The following ADCY8 variants were observed in gnomAD, a reference collection of about 807,000 sequenced individuals.
ADCY8 encodes the protein adenylate cyclase 8.
In ADCY8, 51 loss-of-function variants were observed where a neutral mutation model predicts 119.7. The observed-to-expected ratio is 0.43, with a 90% CI of 0.34 to 0.54. ADCY8 has a LOEUF of 0.54. ADCY8 is among the 20% of genes least tolerant of loss of function. ADCY8 has a pLI of 0.03. For synonymous variants in ADCY8, 665 were observed against 651.0 expected, an observed-to-expected ratio of 1.02 and a Z score of -0.33; for missense variants, 1,383 against 1,598.8, an observed-to-expected ratio of 0.87 and a Z score of 2.30.
chr8:130,925,371 A>C (rs73346476), intron 5 of ADCY8, among the ~76,000 whole-genome samples: 1 of 152,228 alleles, frequency 6.6e-6, no homozygotes, highest in Non-Finnish European at 1.5e-5. Flanking sequence ...ATATTCTATT[A>C]AAAATATTTC....
At chr8:130,848,881 T>C (rs1006712034) in intron 10 of ADCY8, among the ~76,000 whole-genome samples, 2 of 152,168 alleles carry the variant, frequency 1.3e-5, no homozygotes, top group Non-Finnish European at 2.9e-5. Flanking sequence ...GTGATAAATA[T>C]CATGGCAGTT....
At chr8:130,799,474 T>G (rs1815695586) in intron 15 of ADCY8, among the ~76,000 whole-genome samples, 3 of 152,126 alleles carry the variant, frequency 2.0e-5, no homozygotes, top group Admixed American at 2.0e-4. Flanking sequence ...AGGATGCTGT[T>G]TAGAGTGATG....
At chr8:130,948,974 T>C (rs1472125290) in intron 3 of ADCY8, among the ~76,000 whole-genome samples, 2 of 152,144 alleles carry the variant, frequency 1.3e-5, no homozygotes, top group Non-Finnish European at 2.9e-5. Context: ...GCTCTGAGAA[T>C]AGCCCGGGAG....
chr8:130,834,906 T>C (rs1563684464), intron 12 of ADCY8, among the ~76,000 whole-genome samples: 1 of 149,278 alleles, frequency 6.7e-6, no homozygotes, highest in East Asian at 2.0e-4. Flanking sequence ...ACATTAGAAG[T>C]TGGATTTGAG....
At chr8:130,902,091 T>G (rs2130523139) in intron 7 of ADCY8, among the ~76,000 whole-genome samples, 1 of 152,292 alleles carries the variant, frequency 6.6e-6, no homozygotes, top group Admixed American at 6.5e-5. Context: ...ATTAAGGAAT[T>G]ATCTTAATTC....
At chr8:130,982,062 T>C (rs1822256416) in intron 2 of ADCY8, among the ~76,000 whole-genome samples, 3 of 152,240 alleles carry the variant, frequency 2.0e-5, no homozygotes, top group African/African-American at 7.2e-5. Flanking sequence ...CCTTCACTTC[T>C]TCCGTCATGC....
chr8:130,900,206 A>C (rs1414794898), intron 7 of ADCY8, among the ~76,000 whole-genome samples: 1 of 152,226 alleles, frequency 6.6e-6, no homozygotes. Flanking sequence ...GAATGGGGTC[A>C]AACCAACAAT....
chr8:130,806,172 G>T (rs553891967), intron 14 of ADCY8, among the ~76,000 whole-genome samples: 1 of 152,300 alleles, frequency 6.6e-6, no homozygotes, highest in South Asian at 2.1e-4. Context: ...CTGACCACAG[G>T]TCCCTCAGCA....
intron 15 of ADCY8, among the ~76,000 whole-genome samples, chr8:130,792,365 T>C (rs1312034360): frequency 6.6e-6 from 1 of 152,246 alleles, no homozygotes; most frequent in Non-Finnish European, 1.5e-5. Context: ...TGTGGTATCA[T>C]CATGTCTTAC....
chr8:131,022,516 C>A (rs944564259), intron 1 of ADCY8, among the ~76,000 whole-genome samples: 1 of 152,140 alleles, frequency 6.6e-6, no homozygotes, highest in South Asian at 2.1e-4. Context: ...TTTATCCAGT[C>A]TATCATTGAT....
At chr8:130,830,508 A>C (rs1469982281) in intron 12 of ADCY8, among the ~76,000 whole-genome samples, 1 of 152,214 alleles carries the variant, frequency 6.6e-6, no homozygotes, top group South Asian at 2.1e-4. Flanking sequence ...CTTTCCTCTC[A>C]GGAGTCCCCT....
chr8:130,937,278 G>C, intron 4 of ADCY8, 78 bp from the exon 5 acceptor site: 2 of 1,491,800 alleles, frequency 1.3e-6, no homozygotes, highest in Non-Finnish European at 1.8e-6. Context: ...AGAAAGAGGC[G>C]AGCAGGGTTA....
At chr8:130,920,349 A>G (rs888797209) in intron 5 of ADCY8, among the ~76,000 whole-genome samples, 17 of 152,076 alleles carry the variant, frequency 1.1e-4, no homozygotes, top group Admixed American at 1.0e-3. Flanking sequence ...CCTTCCATTT[A>G]GAACCAAAAA....
intron 2 of ADCY8, among the ~76,000 whole-genome samples, chr8:130,966,812 G>T (rs577905421): frequency 6.6e-6 from 1 of 152,188 alleles, no homozygotes; most frequent in East Asian, 1.9e-4. Context: ...GGTTGGTGTG[G>T]GATTAAATCA....
intron 4 of ADCY8, among the ~76,000 whole-genome samples, chr8:130,941,998 C>A (rs909604832): frequency 3.3e-5 from 5 of 152,200 alleles, no homozygotes; most frequent in Non-Finnish European, 7.3e-5. Flanking sequence ...AAAACAACCA[C>A]CATAATAAAA....
At chr8:130,989,829 A>T (rs1467306194) in intron 2 of ADCY8, among the ~76,000 whole-genome samples, 2 of 152,106 alleles carry the variant, frequency 1.3e-5, no homozygotes, top group African/African-American at 4.8e-5. Context: ...TTTTATCTTA[A>T]CCTCTCCAAA....
Position 131,039,895 on chromosome 8 carries a change from A to G in ADCY8, c.439T>C (p.Tyr147His), listed in dbSNP as rs748364181. The change falls in exon 1 of 18, where the codon TAT becomes CAT. Residue 147 changes from tyrosine to histidine, a missense_variant. Tyr to His is a moderately conservative substitution (Grantham distance 83). Coordinates refer to ENST00000286355, the MANE Select transcript of ADCY8 (RefSeq NM_001115.3). ...SNSDFFLNGGYSYRGVIFPTL... is the reference protein window; with the variant it reads ...SNSDFFLNGGHSYRGVIFPTL... Reference sequence around the variant, plus strand: ...GGGAAAATGACCCCTCGGTAGCTATAGCCCCCATTAAGAAAGAAATCCGAG... The same window carrying G: ...GGGAAAATGACCCCTCGGTAGCTATGGCCCCCATTAAGAAAGAAATCCGAG... The G allele has an allele frequency of 3.7e-6, 6 of 1,613,646 alleles. No individual in the cohort carries two copies. In the South Asian group the frequency reaches 6.6e-5, roughly 18 times the overall value.
At chr8:131,038,483 A>T (rs1439213227) in intron 1 of ADCY8, among the ~76,000 whole-genome samples, 1 of 152,226 alleles carries the variant, frequency 6.6e-6, no homozygotes, top group East Asian at 1.9e-4. Flanking sequence ...TATTGGTTCT[A>T]GTAAATTTAA....
At chr8:130,928,456 A>G (rs1056902036) in intron 5 of ADCY8, among the ~76,000 whole-genome samples, 9 of 152,128 alleles carry the variant, frequency 5.9e-5, no homozygotes, top group Admixed American at 2.6e-4. Context: ...TTCTTTCTCT[A>G]ATTAATTGAG....
Sources: allele counts gnomAD v4.1 joint callset (sites outside exome capture counted in the v4.1 genomes callset), GRCh38; gene constraint gnomAD v4.1.1; transcripts MANE v1.5; gene names NCBI Gene and HGNC (gene_info 2026-07-23, HGNC 2026-07-21).